CD3G: variants seen among roughly 807,000 people sequenced by gnomAD.
The protein encoded by CD3G is T-cell surface glycoprotein CD3 gamma chain.
A neutral mutation model predicts 28.3 loss-of-function variants in CD3G; 24 were observed. The ratio of observed to expected loss-of-function variants is 0.85; its 90% CI spans 0.61 to 1.19. The LOEUF (loss-of-function observed/expected upper bound fraction) is 1.19. Ranked by LOEUF, CD3G falls within the 50% of genes most tolerant of loss-of-function variation. The pLI, the probability that CD3G is intolerant of heterozygous loss-of-function variation, is 0.00. For missense variants in CD3G, 211 were observed against 210.0 expected (o/e 1.00, Z -0.03); for synonymous variants, 71 against 75.9 (o/e 0.93, Z 0.34).
chr11:118,352,565 T>G, intron 6 of CD3G, 78 bp downstream of exon 6: 1 of 972,146 alleles, frequency 1.0e-6, no homozygotes, highest in South Asian at 1.3e-5. Context: ...TCTAGCTCCC[T>G]TCCCTAAGCG....
rs998671248 is a variant in CD3G at position 118,354,022 on chromosome 11, T to C, written c.*922T>C. 2 of 152,226 alleles carry C rather than the reference T, an allele frequency of 1.3e-5. No homozygotes were observed. Among genetic ancestry groups the C allele is most frequent in the African/African-American group, 2.4e-5 (1 of 41,464 alleles). The allele number at this position is 152,226 out of a possible 1,614,324, so 9.4% of individuals were successfully genotyped here. ...TTTTAATGCAACCATATTGTACAAA[T>C]AGACTATGATTTATTTAACCTGTTA... is the stretch of plus-strand genomic sequence containing the variant. On this transcript the variant is annotated 3_prime_UTR_variant, in exon 7 of 7. Coordinates refer to ENST00000532917, the MANE Select transcript of CD3G (RefSeq NM_000073.3).
chr11:118,350,897 A>T, intron 4 of CD3G: 1 of 1,233,606 alleles, frequency 8.1e-7, no homozygotes, highest in Non-Finnish European at 1.0e-6. Context: ...GTGAAAAAAA[A>T]AAAAAACAAA....
chr11:118,348,043 G>A (rs1190091763), intron 1 of CD3G, among the ~76,000 whole-genome samples: 1 of 152,160 alleles, frequency 6.6e-6, no homozygotes, highest in Non-Finnish European at 1.5e-5. Flanking sequence ...CAGCCTAAAG[G>A]TTTTGGATAG....
At chr11:118,352,973 C>G (rs1167609157) in intron 6 of CD3G, 146 bp from the exon 7 acceptor site, 1 of 177,506 alleles carries the variant, frequency 5.6e-6, no homozygotes, top group Non-Finnish European at 1.2e-5. Flanking sequence ...TAGTTAAGAA[C>G]CACTAACCCA....
intron 1 of CD3G, 52 bp from the exon 2 acceptor site, chr11:118,348,975 T>C (rs1362708572): frequency 2.5e-6 from 4 of 1,600,524 alleles, no homozygotes; most frequent in African/African-American, 1.3e-5. Flanking sequence ...CTTCAGGGCA[T>C]CTGAACAACT....
At position 118,353,546 on chromosome 11, in the gene CD3G, T is replaced by G. The variant is rs1436061493; in HGVS notation, c.*446T>G. 1 of 144,230 alleles carries G rather than the reference T, an allele frequency of 6.9e-6. No homozygotes were observed. The highest frequency in any genetic ancestry group is 6.9e-5 in the Admixed American group (1 of 14,406). 8.9% of individuals were successfully genotyped at this position (144,230 alleles called of 1,614,324 possible). A position where few individuals can be genotyped will look rare whatever the true frequency, so the allele number is the denominator to read the frequency against. ...TCTCTTTTTTTTTTTTTTTTTTTTT[T>G]TTTTGAGACAGTCTGGCTCTGTCAC... is the stretch of plus-strand genomic sequence containing the variant. On this transcript the variant is annotated 3_prime_UTR_variant, in exon 7 of 7. Transcript: ENST00000532917.
chr11:118,344,685 A>G (rs1160364046), intron 1 of CD3G, among the ~76,000 whole-genome samples: 1 of 152,266 alleles, frequency 6.6e-6, no homozygotes, highest in Non-Finnish European at 1.5e-5. Flanking sequence ...CTTGTCTCTG[A>G]AAAATGCAAA....
intron 6 of CD3G, among the ~76,000 whole-genome samples, chr11:118,352,777 C>T (rs1948421636): frequency 2.0e-5 from 3 of 152,318 alleles, no homozygotes; most frequent in Admixed American, 1.3e-4. Flanking sequence ...TCATTATCTA[C>T]ACTATTAACA....
rs765636195 is a variant in CD3G, at chr11:118,350,535, T to G, written c.308-17T>G. On this transcript the variant is annotated splice_polypyrimidine_tract_variant and intron_variant, in intron 3 of 6. Coordinates refer to ENST00000532917, the MANE Select transcript of CD3G (RefSeq NM_000073.3). ...AACTTTCGCAACCTGAAGGTTTGTC[T>G]CTCCTTTTCCCTACAGTGTGTCAGA... 6.3e-7 allele frequency: 1 copy of G among 1,595,658 alleles called. No individual in the cohort carries two copies. Among genetic ancestry groups the G allele is most frequent in the Non-Finnish European group, 8.6e-7 (1 of 1,163,588 alleles).
intron 3 of CD3G, 86 bp from the exon 4 acceptor site, chr11:118,350,466 C>A (rs963723930): frequency 3.1e-6 from 3 of 953,204 alleles, no homozygotes; most frequent in Non-Finnish European, 5.1e-6. Flanking sequence ...CCCTCCACAG[C>A]GGCATTATTG....
chr11:118,346,129 C>T (rs1184940775), intron 1 of CD3G, among the ~76,000 whole-genome samples: 4 of 152,152 alleles, frequency 2.6e-5, no homozygotes, highest in African/African-American at 7.2e-5. Context: ...GTTCTCATGC[C>T]AGCCAATCCA....
intron 3 of CD3G, chr11:118,350,263 G>A (rs577474476): frequency 5.3e-6 from 3 of 569,424 alleles, no homozygotes; most frequent in East Asian, 3.1e-5. Context: ...ATCATAAGGT[G>A]AGCAGCAGTG....
In CD3G at chr11:118,351,614, T is replaced by C. The variant is rs768672430; in HGVS notation, c.440-14T>C. On this transcript the variant is annotated splice_polypyrimidine_tract_variant and intron_variant, in intron 4 of 6. Coordinates refer to ENST00000532917, the MANE Select transcript of CD3G (RefSeq NM_000073.3). Reference sequence around the variant, plus strand: ...CATTCTACCTTGTGTGGATTCTGTTTCTTTTTTGTGCAGCTTCAGACAAGC... The same window carrying C: ...CATTCTACCTTGTGTGGATTCTGTTCCTTTTTTGTGCAGCTTCAGACAAGC... 1.2e-6 allele frequency: 2 copies of C among 1,613,912 alleles called. No homozygotes were observed. Among genetic ancestry groups the C allele is most frequent in the Non-Finnish European group, 1.7e-6 (2 of 1,179,832 alleles).
rs753884493 is a variant in CD3G, at chr11:118,349,379, C to T, written c.79+329C>T. 7.7e-5 allele frequency: 79 copies of T among 1,026,994 alleles called. 2 individuals carry two copies. Among genetic ancestry groups the T allele is most frequent in the Non-Finnish European group, 2.3e-5 (17 of 752,520 alleles). The allele number at this position is 1,026,994 out of a possible 1,614,324, so 63.6% of individuals were successfully genotyped here. The stretch of plus-strand genomic sequence containing the variant: ...TCTCTGTCAATCCTTCTCTTTAGTT[C>T]ATCTATTCTACCCAAAGTGATCTCA... On this transcript the variant is annotated intron_variant, in intron 2 of 6. Transcript: ENST00000532917.
chr11:118,350,487 G>A, intron 3 of CD3G, 65 bp from the exon 4 acceptor site: 2 of 1,160,954 alleles, frequency 1.7e-6, no homozygotes, highest in African/African-American at 1.5e-5. Flanking sequence ...CAGACAGGCA[G>A]GAGAAAACGA....
intron 2 of CD3G, chr11:118,349,527 C>T (rs750637552): frequency 4.0e-5 from 25 of 627,756 alleles, no homozygotes; most frequent in Admixed American, 5.8e-5. Flanking sequence ...CACCCCCTGA[C>T]GCAGATATTG....
intron 2 of CD3G, chr11:118,349,358 T>G: frequency 8.4e-7 from 1 of 1,184,476 alleles, no homozygotes. Flanking sequence ...CGTTAGTCTC[T>G]GTCAATCCTT....
intron 3 of CD3G, chr11:118,350,260 GGT>G (rs1184189067): frequency 1.8e-6 from 1 of 569,894 alleles, no homozygotes; most frequent in East Asian, 3.1e-5. Context: ...GTGATCATAA[GGT>G]GAGCAGCAGT....
intron 1 of CD3G, among the ~76,000 whole-genome samples, chr11:118,345,769 A>C (rs2134065234): frequency 6.6e-6 from 1 of 152,258 alleles, no homozygotes; most frequent in African/African-American, 2.4e-5. Context: ...CTGGCCACAA[A>C]TAGGTTTATA....
Sources: allele counts gnomAD v4.1 joint callset (sites outside exome capture counted in the v4.1 genomes callset), GRCh38; gene constraint gnomAD v4.1.1; transcripts MANE v1.5; gene names NCBI Gene and HGNC (gene_info 2026-07-23, HGNC 2026-07-21).